PHF3: variants seen among roughly 807,000 people sequenced by gnomAD.
PHF3 encodes the protein PHD finger protein 3.
PHF3 carries 41 observed loss-of-function variants against 178.4 expected under a neutral mutation model. That is an observed-to-expected ratio of 0.23 (90% CI 0.18 to 0.30). The LOEUF (loss-of-function observed/expected upper bound fraction) is 0.30. Ranked by LOEUF, PHF3 falls within the 10% of genes least tolerant of loss-of-function variation. The pLI is 1.00. For synonymous variants in PHF3, 842 were observed against 800.5 expected, an observed-to-expected ratio of 1.05 and a Z score of -0.88; for missense variants, 2,346 against 2,398.1, an observed-to-expected ratio of 0.98 and a Z score of 0.45.
chr6:63,699,807 T>A (rs993371545), intron 8 of PHF3, among the ~76,000 whole-genome samples: 12 of 152,108 alleles, frequency 7.9e-5, no homozygotes, highest in Non-Finnish European at 1.3e-4. Context: ...GCCAGGCTGG[T>A]CCCAAACTCC....
intron 2 of PHF3, among the ~76,000 whole-genome samples, chr6:63,665,494 T>TTG (rs1052216546): frequency 4.1e-5 from 6 of 146,112 alleles, no homozygotes; most frequent in South Asian, 2.2e-4. Flanking sequence ...TTGTTTTTTT[T>TTG]TTTTTTTTTT....
At chr6:63,665,483 TTTG>T (rs1445379292) in intron 2 of PHF3, among the ~76,000 whole-genome samples, 14 of 132,604 alleles carry the variant, frequency 1.1e-4, no homozygotes, top group African/African-American at 4.2e-4. Flanking sequence ...GTGGTTTTTT[TTTG>T]TTTTTTTTTT....
intron 2 of PHF3, among the ~76,000 whole-genome samples, chr6:63,678,215 C>T (rs1488858867): frequency 3.5e-4 from 51 of 145,230 alleles, no homozygotes; most frequent in Admixed American, 1.6e-3. Context: ...AGTGAGACTC[C>T]GTCTCAAAAA....
intron 2 of PHF3, among the ~76,000 whole-genome samples, chr6:63,675,966 G>A (rs1042924139): frequency 6.6e-6 from 1 of 152,122 alleles, no homozygotes; most frequent in Non-Finnish European, 1.5e-5. Context: ...TCTTTGTGTA[G>A]CAGTTAACCT....
chr6:63,666,554 A>G (rs1242074188), intron 2 of PHF3, among the ~76,000 whole-genome samples: 5 of 151,860 alleles, frequency 3.3e-5, no homozygotes, highest in Non-Finnish European at 7.4e-5. Context: ...CAGTATACTC[A>G]TATGTTCAAG....
rs1399826874 is a variant in PHF3, at chr6:63,698,327, C to G, written c.2785C>G (p.Gln929Glu). Residue 929 changes from glutamine to glutamate, a missense_variant, in exon 7 of 16, where the codon CAA (glutamine) becomes GAA (glutamate). Physicochemically the swap from Gln to Glu is conservative, Grantham distance 29. This residue lies in a region of PHF3 where 252 missense variants were observed against 232.0 expected (regional missense o/e 1.09). Coordinates refer to ENST00000262043, the MANE Select transcript of PHF3 (RefSeq NM_001370348.2). ...CAAGCCTTCTGCAGATCAGATCAGG[C>G]AAAGTGTCAGACATTCTCTCAAAGA... is the stretch of plus-strand genomic sequence containing the variant. The part of the protein sequence containing the change: ...ASKPSADQIR[Q>E]SVRHSLKDIL... 1 of 1,612,436 alleles carries G rather than the reference C, an allele frequency of 6.2e-7. No homozygotes were observed. The highest frequency in any genetic ancestry group is 8.5e-7 in the Non-Finnish European group (1 of 1,179,004).
At position 63,720,558 on chromosome 6, in the gene PHF3, A is replaced by G. The variant is rs1409422595; in HGVS notation, c.*6850A>G. The G allele has an allele frequency of 7.3e-7, 1 of 1,377,372 alleles. No individual in the cohort carries two copies. The highest frequency in any genetic ancestry group is 2.5e-5 in the East Asian group (1 of 39,520). The allele number at this position is 1,377,372 out of a possible 1,614,324, so 85.3% of individuals were successfully genotyped here. ...AAGAAATAACTATCAAAATAACTGC[A>G]TTTATGTATAGTGTGTACTAAAATC... On this transcript the variant is annotated 3_prime_UTR_variant, in exon 16 of 16. Coordinates refer to ENST00000262043, the MANE Select transcript of PHF3 (RefSeq NM_001370348.2).
Position 63,714,656 on chromosome 6 carries a change from A to G in PHF3, c.*948A>G, listed in dbSNP as rs1281119565. The G allele has an allele frequency of 6.6e-6, 1 of 152,182 alleles. No individual in the cohort carries two copies. Among genetic ancestry groups the G allele is most frequent in the African/African-American group, 2.4e-5 (1 of 41,438 alleles). 9.4% of individuals were successfully genotyped at this position (152,182 alleles called of 1,614,324 possible). On this transcript the variant is annotated 3_prime_UTR_variant, in exon 16 of 16. Transcript: ENST00000262043. ...TGAATTGTGTAGTTCTAAAGAGGCT[A>G]GAATTTAGAACTACCTGTGAAACAC...
At chr6:63,652,074 A>G (rs943255443) in intron 2 of PHF3, among the ~76,000 whole-genome samples, 1 of 152,160 alleles carries the variant, frequency 6.6e-6, no homozygotes, top group African/African-American at 2.4e-5. Flanking sequence ...GGATTGCTAG[A>G]TCATATGGTA....
chr6:63,718,248 G>A lies in PHF3; in HGVS notation c.*4540G>A. The stretch of plus-strand genomic sequence containing the variant: ...AGCAAAATGGGAAAGTTCCAATTTT[G>A]TGGAGATTACAGGTAGAAAAGTTAT... On this transcript the variant is annotated 3_prime_UTR_variant, in exon 16 of 16. Coordinates refer to ENST00000262043, the MANE Select transcript of PHF3 (RefSeq NM_001370348.2). Among the ~76,000 whole-genome samples, 1 of 152,104 alleles carries A rather than the reference G, an allele frequency of 6.6e-6. No homozygotes were observed. Among genetic ancestry groups the A allele is most frequent in the East Asian group, 1.9e-4 (1 of 5,182 alleles).
At chr6:63,647,016 G>A (rs1764819447) in intron 2 of PHF3, among the ~76,000 whole-genome samples, 1 of 150,672 alleles carries the variant, frequency 6.6e-6, no homozygotes, top group Non-Finnish European at 1.5e-5. Context: ...TATCCTCAAG[G>A]ATATTATGGA....
At chr6:63,702,880 C>G (rs1451248779) in intron 10 of PHF3, among the ~76,000 whole-genome samples, 1 of 151,918 alleles carries the variant, frequency 6.6e-6, no homozygotes, top group Non-Finnish European at 1.5e-5. Flanking sequence ...TAGTGAATTT[C>G]TTTTTATTTT....
intron 2 of PHF3, among the ~76,000 whole-genome samples, chr6:63,664,664 G>A (rs1765604409): frequency 6.6e-6 from 1 of 151,872 alleles, no homozygotes; most frequent in Admixed American, 6.6e-5. Flanking sequence ...AGTTGTATAA[G>A]AACTTACTTG....
chr6:63,669,044 G>A (rs1765798467), intron 2 of PHF3, among the ~76,000 whole-genome samples: 1 of 152,128 alleles, frequency 6.6e-6, no homozygotes, highest in Non-Finnish European at 1.5e-5. Context: ...TTATCTTAAG[G>A]CTGAATGTTG....
chr6:63,659,968 C>T (rs1348759092), intron 2 of PHF3, among the ~76,000 whole-genome samples: 1 of 152,078 alleles, frequency 6.6e-6, no homozygotes, highest in East Asian at 1.9e-4. Flanking sequence ...CTGTTAAGAT[C>T]AGTGCTCTAA....
rs1582126995 is a variant in PHF3, at chr6:63,712,312, A to G, written c.4724A>G (p.Asn1575Ser). ...GTTTCTACAGAAGCATTTTTAACAA[A>G]TTTATCAATTCAGTCAAAACAAGAG... Reference protein sequence around the residue: ...PDVSTEAFLTNLSIQSKQEET... With the variant: ...PDVSTEAFLTSLSIQSKQEET... Residue 1575 changes from asparagine to serine, a missense_variant, in exon 16 of 16, where the codon AAT (asparagine) becomes AGT (serine). This residue lies in a region of PHF3 where 839 missense variants were observed against 806.9 expected (regional missense o/e 1.04). Transcript: ENST00000262043. 10 of 1,613,036 alleles carry G rather than the reference A, an allele frequency of 6.2e-6. No homozygotes were observed. The highest frequency in any genetic ancestry group is 1.1e-5 in the South Asian group (1 of 90,896).
Position 63,716,600 on chromosome 6 carries a change from CTG to C in PHF3, c.*2895_*2896del, listed in dbSNP as rs1308397812. ...TCTTACGGTTCTGTGGATCAGAAGT[CTG>C]TGCAGATCTCACTGGGTAAGATCAA... On this transcript the variant is annotated 3_prime_UTR_variant, in exon 16 of 16. Coordinates refer to ENST00000262043, the MANE Select transcript of PHF3 (RefSeq NM_001370348.2). 1.3e-5 allele frequency among the ~76,000 whole-genome samples: 2 copies of C among 152,200 alleles called. No homozygotes were observed. Among genetic ancestry groups the C allele is most frequent in the East Asian group, 1.9e-4 (1 of 5,186 alleles).
In PHF3 at chr6:63,646,409, A is replaced by G. The variant is rs558051745; in HGVS notation, c.-25-118A>G. 2.2e-3 allele frequency: 1,349 copies of G among 601,048 alleles called. 3 individuals are homozygous for G. Among genetic ancestry groups the G allele is most frequent in the Admixed American group, 3.2e-3 (83 of 26,264 alleles). 37.2% of individuals were successfully genotyped at this position (601,048 alleles called of 1,614,324 possible). On this transcript the variant is annotated intron_variant, in intron 1 of 15. Coordinates refer to ENST00000262043, the MANE Select transcript of PHF3 (RefSeq NM_001370348.2). ...CAAGTGAGGATTTTTTTTTTAAACA[A>G]CAATTCAGAAATACCTTAAGTGTGT...
chr6:63,710,822 G>T (rs1220241298), intron 14 of PHF3, among the ~76,000 whole-genome samples: 2 of 152,094 alleles, frequency 1.3e-5, no homozygotes, highest in African/African-American at 4.8e-5. Context: ...TGGAAATCAG[G>T]ATATAGTGTA....
Sources: gnomAD v4.1 joint callset for allele counts (sites outside exome capture counted in the v4.1 genomes callset) on GRCh38, gnomAD v4.1.1 for gene constraint, gnomAD v4.1.1 regional missense constraint, MANE v1.5 for transcripts, NCBI Gene and HGNC (gene_info 2026-07-23, HGNC 2026-07-21) for gene names.